Variants in C9orf153 observed in about 807,000 individuals in gnomAD.
C9orf153 encodes chromosome 9 open reading frame 153.
C9orf153 carries 10 observed loss-of-function variants against 9.0 expected under a neutral mutation model. The observed-to-expected ratio is 1.11, with a 90% CI of 0.69 to 1.89. The LOEUF (loss-of-function observed/expected upper bound fraction) is 1.89, where lower values mean the gene tolerates loss of function less well. Among genes scored for constraint, C9orf153 ranks in the 40% most tolerant of loss-of-function variants. C9orf153 has a pLI of 0.00. For missense variants in C9orf153, 108 were observed against 111.0 expected (o/e 0.97, Z 0.12); for synonymous variants, 35 against 37.3 (o/e 0.94, Z 0.23).
intron 1 of C9orf153, among the ~76,000 whole-genome samples, chr9:86,253,873 T>C (rs763767395): frequency 1.3e-5 from 2 of 152,026 alleles, no homozygotes; most frequent in Non-Finnish European, 2.9e-5. Flanking sequence ...GGGCAGATCA[T>C]GAGGTCAGGA....
intron 3 of C9orf153, among the ~76,000 whole-genome samples, chr9:86,222,115 T>G (rs1824218247): frequency 6.6e-6 from 1 of 152,052 alleles, no homozygotes; most frequent in African/African-American, 2.4e-5. Flanking sequence ...CTCAAACTCC[T>G]GACCTCAGGT....
At chr9:86,231,219 G>A (rs544263516) in intron 1 of C9orf153, among the ~76,000 whole-genome samples, 1 of 152,178 alleles carries the variant, frequency 6.6e-6, no homozygotes, top group South Asian at 2.1e-4. Flanking sequence ...GCTGAGCAAG[G>A]CAACTCTAAA....
intron 1 of C9orf153, among the ~76,000 whole-genome samples, chr9:86,234,023 C>T (rs1824527997): frequency 6.6e-6 from 1 of 152,004 alleles, no homozygotes; most frequent in Non-Finnish European, 1.5e-5. Flanking sequence ...GTGGAAGTCG[C>T]AGTGAGCTGA....
chr9:86,234,364 A>T (rs951726782), intron 1 of C9orf153, among the ~76,000 whole-genome samples: 1 of 152,210 alleles, frequency 6.6e-6, no homozygotes, highest in African/African-American at 2.4e-5. Context: ...AGGGAAACAT[A>T]AATAACAGGA....
rs1437829016 is a variant in C9orf153, at chr9:86,239,643, C to T, written c.-26-10014G>A. ...CTAGAGGGGTAACTGGAAGTGAGTG[C>T]CAATGGGCACCATGCTTCTTTTGGG... On this transcript the variant is annotated intron_variant, in intron 1 of 3. Coordinates refer to ENST00000339137, the MANE Select transcript of C9orf153 (RefSeq NM_001276366.4). 2.6e-5 allele frequency among the ~76,000 whole-genome samples: 4 copies of T among 152,274 alleles called. No individual in the cohort carries two copies. The South Asian group carries it at 6.2e-4, about 24-fold the overall frequency.
chr9:86,253,100 T>G (rs1288830251), intron 1 of C9orf153, among the ~76,000 whole-genome samples: 1 of 152,228 alleles, frequency 6.6e-6, no homozygotes, highest in Non-Finnish European at 1.5e-5. Flanking sequence ...TATTTGTGAG[T>G]ATTCTTAATT....
chr9:86,233,386 T>C (rs1283392539), intron 1 of C9orf153, among the ~76,000 whole-genome samples: 3 of 152,180 alleles, frequency 2.0e-5, no homozygotes, highest in African/African-American at 4.8e-5. Flanking sequence ...TTCTTAATTA[T>C]CAATTCTAGT....
rs137915284 is a variant in C9orf153 at position 86,252,227 on chromosome 9, G to C, written c.-27+7323C>G. ...TTTTTGTATTTTTGGTAGAGATGGG[G>C]TTTCACCACGTTGGCCAGCTGGTCT... On this transcript the variant is annotated intron_variant, in intron 1 of 3. Coordinates refer to ENST00000339137, the MANE Select transcript of C9orf153 (RefSeq NM_001276366.4). Among the ~76,000 whole-genome samples the C allele has an allele frequency of 4.8e-3, 728 of 152,080 alleles. 7 individuals carry two copies. Among genetic ancestry groups the C allele is most frequent in the African/African-American group, 0.016 (669 of 41,498 alleles).
chr9:86,227,517 C>T, intron 3 of C9orf153: 1 of 1,363,828 alleles, frequency 7.3e-7, no homozygotes, highest in Non-Finnish European at 9.4e-7. Flanking sequence ...TCCTTTTCTC[C>T]CACATGGCCT....
chr9:86,252,336 T>A lies in C9orf153; in HGVS notation c.-27+7214A>T, dbSNP rs572927548. Among the ~76,000 whole-genome samples the A allele has an allele frequency of 2.0e-4, 31 of 152,192 alleles. No homozygotes were observed. In the East Asian group the frequency reaches 6.0e-3, roughly 29 times the overall value. On this transcript the variant is annotated intron_variant, in intron 1 of 3. Coordinates refer to ENST00000339137, the MANE Select transcript of C9orf153 (RefSeq NM_001276366.4). Reference sequence around the variant, plus strand: ...AGTGTGAGCCCCCACACCTGGCCCTTTATTTGGCTTTTGATTGTTTGGAAA... The same window carrying A: ...AGTGTGAGCCCCCACACCTGGCCCTATATTTGGCTTTTGATTGTTTGGAAA...
intron 1 of C9orf153, among the ~76,000 whole-genome samples, chr9:86,237,495 C>T (rs546841899): frequency 7.9e-5 from 12 of 152,234 alleles, no homozygotes; most frequent in African/African-American, 2.9e-4. Flanking sequence ...GTTGCCCAGG[C>T]TGGTTTCAAA....
intron 3 of C9orf153, chr9:86,227,429 G>T: frequency 6.9e-7 from 1 of 1,448,694 alleles, no homozygotes; most frequent in South Asian, 1.8e-5. Flanking sequence ...TAGCAGCCAT[G>T]AACCTCAGAA....
intron 3 of C9orf153, among the ~76,000 whole-genome samples, chr9:86,223,887 T>C (rs1358466630): frequency 2.7e-5 from 4 of 150,136 alleles, no homozygotes; most frequent in Non-Finnish European, 5.9e-5. Context: ...CCACAGAGAG[T>C]GGAATCACGG....
intron 2 of C9orf153, chr9:86,228,913 C>T: frequency 3.9e-6 from 1 of 254,268 alleles, no homozygotes; most frequent in Non-Finnish European, 8.1e-6. Context: ...GACCCTGGAA[C>T]CAGTATGAGC....
chr9:86,222,496 C>G (rs1387593024), intron 3 of C9orf153, among the ~76,000 whole-genome samples: 1 of 152,054 alleles, frequency 6.6e-6, no homozygotes, highest in East Asian at 1.9e-4. Context: ...TATAAAAGGG[C>G]AGTGGCTGAG....
At chr9:86,236,939 T>TAAAAAAAA (rs57214746) in intron 1 of C9orf153, among the ~76,000 whole-genome samples, 1 of 79,992 alleles carries the variant, frequency 1.3e-5, no homozygotes. Flanking sequence ...CGTCTCTAAA[T>TAAAAAAAA]AAAAAAAAAA....
At chr9:86,235,622 G>A (rs1191614263) in intron 1 of C9orf153, among the ~76,000 whole-genome samples, 4 of 151,200 alleles carry the variant, frequency 2.6e-5, no homozygotes, top group African/African-American at 9.7e-5. Context: ...AGGCGTGGAG[G>A]CATGTGCTAC....
chr9:86,259,513 C>T (rs1044623030), intron 1 of C9orf153, 37 bp downstream of exon 1: 2 of 152,268 alleles, frequency 1.3e-5, no homozygotes, highest in Non-Finnish European at 2.9e-5. Context: ...TCTGTGGTCT[C>T]ACAGTGCCCC....
At position 86,222,053 on chromosome 9, in the gene C9orf153, T is replaced by A. The variant is rs983662157; in HGVS notation, c.243-320A>T. Among the ~76,000 whole-genome samples, 7 of 152,098 alleles carry A rather than the reference T, an allele frequency of 4.6e-5. No homozygotes were observed. In the East Asian group the frequency reaches 1.4e-3, roughly 29 times the overall value. ...GGCACCCGCCACCACACCCGGTTAC[T>A]TTTTTTGTATTTTTAGTAGAGACGG... On this transcript the variant is annotated intron_variant, in intron 3 of 3. Transcript: ENST00000339137.
Sources: gnomAD v4.1 joint callset for allele counts (sites outside exome capture counted in the v4.1 genomes callset) on GRCh38, gnomAD v4.1.1 for gene constraint, MANE v1.5 for transcripts, NCBI Gene and HGNC (gene_info 2026-07-23, HGNC 2026-07-21) for gene names.